The following FAT3 variants were observed in gnomAD, a reference collection of about 807,000 sequenced individuals.
FAT3 encodes the protein protocadherin Fat 3.
Under a neutral mutation model 310.2 loss-of-function variants are expected in FAT3, and 95 were observed. That is an observed-to-expected ratio of 0.31 (90% CI 0.26 to 0.36). The LOEUF (loss-of-function observed/expected upper bound fraction) is 0.36. Ranked by LOEUF, FAT3 falls within the 10% of genes least tolerant of loss-of-function variation. FAT3 has a pLI of 1.00. For missense variants in FAT3, 5,408 were observed against 5,715.6 expected (o/e 0.95, Z 1.74); for synonymous variants, 2,314 against 2,192.9 (o/e 1.06, Z -1.54).
intron 1 of FAT3, among the ~76,000 whole-genome samples, chr11:92,282,662 A>T (rs535843010): frequency 6.7e-6 from 1 of 148,600 alleles, no homozygotes; most frequent in African/African-American, 2.6e-5. Context: ...AAAAATAAAA[A>T]AAAAAAAAAA....
chr11:92,536,578 T>C (rs1441685866), intron 3 of FAT3, among the ~76,000 whole-genome samples: 1 of 152,212 alleles, frequency 6.6e-6, no homozygotes, highest in Non-Finnish European at 1.5e-5. Context: ...TGTAGTATAC[T>C]CTCAGTAAAC....
chr11:92,858,432 C>A (rs1949037376), intron 20 of FAT3, among the ~76,000 whole-genome samples: 1 of 152,176 alleles, frequency 6.6e-6, no homozygotes, highest in South Asian at 2.1e-4. Context: ...TAGAAAACTT[C>A]TGATTGTCTA....
chr11:92,649,874 CATATATATATATATATATATATATAT>C (rs10528724), intron 3 of FAT3, among the ~76,000 whole-genome samples: 11 of 49,688 alleles, frequency 2.2e-4, no homozygotes, highest in East Asian at 7.4e-4. Flanking sequence ...TTTGTATGTT[CATATATATATATATATATATATATAT>C]ATATATATAT....
chr11:92,460,433 G>A (rs1484057422), intron 2 of FAT3, among the ~76,000 whole-genome samples: 1 of 152,148 alleles, frequency 6.6e-6, no homozygotes, highest in Non-Finnish European at 1.5e-5. Context: ...GACTAATTAC[G>A]CAGCTGTCAG....
At chr11:92,725,557 GA>G (rs548179733) in intron 4 of FAT3, among the ~76,000 whole-genome samples, 38 of 151,282 alleles carry the variant, frequency 2.5e-4, no homozygotes, top group African/African-American at 8.7e-4. Context: ...AGAAAAAAAA[GA>G]AAAAAAGATC....
intron 2 of FAT3, among the ~76,000 whole-genome samples, chr11:92,362,065 T>G (rs927741589): frequency 3.3e-5 from 5 of 152,192 alleles, no homozygotes; most frequent in African/African-American, 1.2e-4. Context: ...TTTTTCTATA[T>G]CTGGTGTTAT....
chr11:92,445,387 G>A (rs1951185287), intron 2 of FAT3, among the ~76,000 whole-genome samples: 2 of 152,188 alleles, frequency 1.3e-5, no homozygotes, highest in South Asian at 4.2e-4. Context: ...AGGAGATTCC[G>A]ATACTGTTTG....
At chr11:92,750,534 A>G (rs1254846374) in intron 4 of FAT3, among the ~76,000 whole-genome samples, 1 of 152,206 alleles carries the variant, frequency 6.6e-6, no homozygotes, top group African/African-American at 2.4e-5. Context: ...GAAAGCAGAA[A>G]CAACAGAAAG....
intron 3 of FAT3, among the ~76,000 whole-genome samples, chr11:92,617,325 C>A (rs1027702578): frequency 9.2e-5 from 14 of 152,268 alleles, no homozygotes; most frequent in African/African-American, 3.4e-4. Flanking sequence ...TTTTCAGCTC[C>A]ATCTGGTCAT....
chr11:92,459,103 A>G (rs769060312), intron 2 of FAT3, among the ~76,000 whole-genome samples: 7 of 152,144 alleles, frequency 4.6e-5, no homozygotes, highest in African/African-American at 1.7e-4. Flanking sequence ...CTGGGGTGCA[A>G]TCCTCATCCA....
intron 25 of FAT3, among the ~76,000 whole-genome samples, 169 bp from the exon 26 acceptor site, chr11:92,889,020 G>T (rs1565682281): frequency 6.6e-6 from 1 of 152,122 alleles, no homozygotes; most frequent in African/African-American, 2.4e-5. Flanking sequence ...TCTAGATAAA[G>T]GTGTCCACTG....
chr11:92,850,237 A>G (rs1291672470), intron 19 of FAT3, among the ~76,000 whole-genome samples: 2 of 152,048 alleles, frequency 1.3e-5, no homozygotes, highest in East Asian at 1.9e-4. Flanking sequence ...GGAAGTTTCT[A>G]TTTTTCATTC....
At chr11:92,504,400 A>G (rs1255650293) in intron 2 of FAT3, among the ~76,000 whole-genome samples, 1 of 152,162 alleles carries the variant, frequency 6.6e-6, no homozygotes, top group Non-Finnish European at 1.5e-5. Flanking sequence ...TTGATAGCAG[A>G]AACAGAAGGA....
At chr11:92,439,197 G>A (rs950702425) in intron 2 of FAT3, among the ~76,000 whole-genome samples, 1 of 151,918 alleles carries the variant, frequency 6.6e-6, no homozygotes, top group Admixed American at 6.6e-5. Context: ...ATTAACAGAA[G>A]GCCACAAAGT....
At chr11:92,420,631 C>A (rs1480172101) in intron 2 of FAT3, among the ~76,000 whole-genome samples, 5 of 150,578 alleles carry the variant, frequency 3.3e-5, no homozygotes, top group African/African-American at 1.2e-4. Flanking sequence ...ATAACTAAAT[C>A]TTTACTAATA....
intron 19 of FAT3, among the ~76,000 whole-genome samples, chr11:92,855,729 C>T (rs1462526393): frequency 6.6e-6 from 1 of 152,122 alleles, no homozygotes; most frequent in Non-Finnish European, 1.5e-5. Context: ...ACCATTTGTA[C>T]AGCCCTTTCC....
At chr11:92,322,309 T>C (rs559723924) in intron 1 of FAT3, among the ~76,000 whole-genome samples, 4 of 152,306 alleles carry the variant, frequency 2.6e-5, no homozygotes, top group African/African-American at 9.6e-5. Context: ...AAAAATACTT[T>C]ATTGCTAAAA....
At chr11:92,529,665 T>G (rs1369222476) in intron 3 of FAT3, among the ~76,000 whole-genome samples, 1 of 152,204 alleles carries the variant, frequency 6.6e-6, no homozygotes, top group Admixed American at 6.5e-5. Context: ...TTTGTGTCTG[T>G]AAAACATAGA....
chr11:92,781,224 A>C (rs1946744494), intron 7 of FAT3, among the ~76,000 whole-genome samples: 1 of 151,664 alleles, frequency 6.6e-6, no homozygotes, highest in Admixed American at 6.6e-5. Context: ...CTGGGACTAC[A>C]GGTGCATGCC....
Sources: gnomAD v4.1 joint callset for allele counts (sites outside exome capture counted in the v4.1 genomes callset) on GRCh38, gnomAD v4.1.1 for gene constraint, MANE v1.5 for transcripts, NCBI Gene and HGNC (gene_info 2026-07-23, HGNC 2026-07-21) for gene names.